Variants in OCRL observed in about 807,000 individuals in gnomAD.
OCRL encodes the protein OCRL inositol polyphosphate-5-phosphatase.
In OCRL, 8 loss-of-function variants were observed where a neutral mutation model predicts 78.9. The ratio of observed to expected loss-of-function variants is 0.10; its 90% confidence interval spans 0.06 to 0.18. OCRL has a LOEUF of 0.18. Among genes scored for constraint, OCRL ranks in the 10% least tolerant of loss-of-function variants. OCRL has a pLI of 1.00. For synonymous variants in OCRL, 240 were observed against 235.4 expected, an observed-to-expected ratio of 1.02 and a Z score of -0.18; for missense variants, 454 against 696.7, an observed-to-expected ratio of 0.65 and a Z score of 3.92.
chrX:129,581,612 C>T (rs1936439565), intron 18 of OCRL, among the ~76,000 whole-genome samples: 1 of 108,592 alleles, frequency 9.2e-6, no homozygotes, highest in Non-Finnish European at 1.9e-5. Context: ...ATTCTTCTTT[C>T]AGAATTTTCT....
At position 129,550,087 on chromosome X, in the gene OCRL, A is replaced by T. The variant is rs376280586; in HGVS notation, c.238+1486A>T. On this transcript the variant is annotated intron_variant, in intron 4 of 23. Coordinates refer to ENST00000371113, the MANE Select transcript of OCRL (RefSeq NM_000276.4). ...TGTTAGGCAGGCCTGATTTTAATGT[A>T]AATATGCATTTTCCCATTGTCTGGA... Among the ~76,000 whole-genome samples, 5 of 112,426 alleles carry T rather than the reference A, an allele frequency of 4.4e-5. No homozygotes were observed. The South Asian group carries it at 1.1e-3, about 25-fold the overall frequency.
At position 129,564,035 on chromosome X, in the gene OCRL, A is replaced by T. The variant is rs1386564938; in HGVS notation, c.1244+1249A>T. Among the ~76,000 whole-genome samples the T allele has an allele frequency of 2.7e-5, 3 of 109,831 alleles. No individual in the cohort carries two copies. In the East Asian group the frequency reaches 8.6e-4, roughly 31 times the overall value. ...ACTCAAACAAATTTACAAGAAAAAA[A>T]CAACCCCATCAAAAAGTGGGCAAAG... On this transcript the variant is annotated intron_variant, in intron 12 of 23. Transcript: ENST00000371113.
chrX:129,568,275 A>G (rs1368473292), intron 14 of OCRL, among the ~76,000 whole-genome samples: 2 of 111,336 alleles, frequency 1.8e-5, no homozygotes, highest in Non-Finnish European at 3.8e-5. Flanking sequence ...GTTCTTAGTG[A>G]GTATTTGTCC....
At position 129,577,802 on chromosome X, in the gene OCRL, C is replaced by T. The variant is rs746005360; in HGVS notation, c.2115+1250C>T. On this transcript the variant is annotated intron_variant, in intron 18 of 23. Transcript: ENST00000371113. ...TTTTCTTCAGAAATTCATATCCTACCGTTCTGCTGTTTTTCATGATAATTG... is the reference window on the plus strand; with the variant it reads ...TTTTCTTCAGAAATTCATATCCTACTGTTCTGCTGTTTTTCATGATAATTG... 5.6e-4 allele frequency among the ~76,000 whole-genome samples: 63 copies of T among 112,070 alleles called. 1 individual carries two copies. The highest frequency in any genetic ancestry group is 1.9e-4 in the Non-Finnish European group (10 of 53,208).
intron 3 of OCRL, among the ~76,000 whole-genome samples, chrX:129,548,171 T>C (rs1482000932): frequency 8.9e-6 from 1 of 112,035 alleles, no homozygotes; most frequent in Non-Finnish European, 1.9e-5. Flanking sequence ...GGTCACTTCC[T>C]TTGCCTTCTG....
intron 18 of OCRL, among the ~76,000 whole-genome samples, chrX:129,581,365 T>C (rs965363017): frequency 8.9e-6 from 1 of 112,015 alleles, no homozygotes; most frequent in African/African-American, 3.2e-5. Flanking sequence ...TATATAGCCT[T>C]TTGCAGAGAA....
chrX:129,547,162 G>A (rs1935890630), intron 3 of OCRL, among the ~76,000 whole-genome samples: 1 of 111,317 alleles, frequency 9.0e-6, no homozygotes, highest in Non-Finnish European at 1.9e-5. Flanking sequence ...CCAGCAGTTC[G>A]AGGCTGCAGT....
At chrX:129,573,962 G>A (rs774599763) in intron 15 of OCRL, among the ~76,000 whole-genome samples, 1 of 112,258 alleles carries the variant, frequency 8.9e-6, no homozygotes, top group Admixed American at 9.4e-5. Flanking sequence ...TTGGTTCCAT[G>A]TCTTTGCTAT....
chrX:129,542,956 A>G (rs1935830353), intron 2 of OCRL, among the ~76,000 whole-genome samples: 2 of 111,862 alleles, frequency 1.8e-5, no homozygotes, highest in African/African-American at 3.3e-5. Flanking sequence ...ACAATTAAAA[A>G]TCAGGGTTTT....
intron 22 of OCRL, 38 bp from the exon 23 acceptor site, chrX:129,589,807 C>G (rs1178877391): frequency 2.1e-6 from 2 of 958,559 alleles, no homozygotes; most frequent in South Asian, 3.9e-5. Context: ...CATCTTCCAC[C>G]TGTTTTTCTC....
At position 129,560,617 on chromosome X, in the gene OCRL, T is replaced by G; in HGVS notation, c.790T>G (p.Cys264Gly). 8.3e-7 allele frequency: 1 copy of G among 1,198,250 alleles called. No homozygotes were observed. Among genetic ancestry groups the G allele is most frequent in the Non-Finnish European group, 1.1e-6 (1 of 883,310 alleles). Residue 264 changes from cysteine to glycine, a missense_variant, in exon 9 of 24, where the codon TGT (cysteine) becomes GGT (glycine). This residue lies in a region of OCRL where 277 missense variants were observed against 517.1 expected (regional missense o/e 0.54). Coordinates refer to ENST00000371113, the MANE Select transcript of OCRL (RefSeq NM_000276.4). ...PDSGLEPWLN[C>G]DPNPPDIYCI... Reference sequence around the variant, plus strand: ...TAGCGGGTTAGAACCTTGGCTGAACTGTGATCCCAATCCTCCTGATATCTA... The same window carrying G: ...TAGCGGGTTAGAACCTTGGCTGAACGGTGATCCCAATCCTCCTGATATCTA...
intron 2 of OCRL, among the ~76,000 whole-genome samples, chrX:129,544,415 A>G (rs1935849908): frequency 9.0e-6 from 1 of 111,629 alleles, no homozygotes; most frequent in Non-Finnish European, 1.9e-5. Flanking sequence ...TGACCAATCC[A>G]GCTGGCTGAG....
chrX:129,561,355 C>A, intron 10 of OCRL, 62 bp downstream of exon 10: 1 of 675,768 alleles, frequency 1.5e-6, no homozygotes, highest in East Asian at 3.2e-5. Flanking sequence ...GGGAGTTATT[C>A]CATTATCTAC....
chrX:129,586,823 T>C (rs1314323205), intron 19 of OCRL, 179 bp from the exon 20 acceptor site: 2 of 554,536 alleles, frequency 3.6e-6, no homozygotes, highest in Admixed American at 2.2e-5. Flanking sequence ...ATCCTTTAAC[T>C]ATGGGACTCG....
At position 129,576,330 on chromosome X, in the gene OCRL, C is replaced by A. The variant is rs754567476; in HGVS notation, c.1893C>A (p.Asp631Glu). The A allele has an allele frequency of 1.1e-5, 13 of 1,204,575 alleles. No homozygotes were observed. The highest frequency in any genetic ancestry group is 1.2e-5 in the Non-Finnish European group (11 of 890,257). The change falls in exon 18 of 24, where the codon GAC (aspartate) becomes GAA (glutamate). Residue 631 changes from aspartate to glutamate, a missense_variant. Transcript: ENST00000371113. ...EGYLEPNETV[D>E]ISLDVYVSKD... ...CTTACATTTCAGATGAGACAGTGGA[C>A]ATTTCTCTTGATGTGTATGTCAGCA...
At chrX:129,581,725 CTGTGTG>C (rs35415909) in intron 18 of OCRL, among the ~76,000 whole-genome samples, 8 of 92,282 alleles carry the variant, frequency 8.7e-5, no homozygotes, top group African/African-American at 1.2e-4. Flanking sequence ...ATACACACAC[CTGTGTG>C]TGTGTGTGTG....
At chrX:129,572,954 C>T (rs909040326) in intron 15 of OCRL, among the ~76,000 whole-genome samples, 4 of 111,876 alleles carry the variant, frequency 3.6e-5, no homozygotes, top group Admixed American at 9.5e-5. Context: ...TCTCAACTAT[C>T]GGAACAAAAA....
rs756767419 is a variant in OCRL, at chrX:129,549,852, G to A, written c.238+1251G>A. On this transcript the variant is annotated intron_variant, in intron 4 of 23. Transcript: ENST00000371113. Reference sequence around the variant, plus strand: ...TTTCGGCATTAGTTTTGTTGTGGCCGCTTCTACATTAGCCATGTGTTGCTA... The same window carrying A: ...TTTCGGCATTAGTTTTGTTGTGGCCACTTCTACATTAGCCATGTGTTGCTA... 35 of 112,180 alleles carry A rather than the reference G, an allele frequency of 3.1e-4. 1 individual carries two copies. The highest frequency in any genetic ancestry group is 1.0e-3 in the African/African-American group (32 of 30,913). The allele number at this position is 112,180 out of a possible 1,213,427, so 9.2% of individuals were successfully genotyped here.
intron 4 of OCRL, among the ~76,000 whole-genome samples, chrX:129,551,900 AATTTACC>A (rs759886898): frequency 1.8e-5 from 2 of 111,555 alleles, no homozygotes; most frequent in African/African-American, 6.5e-5. Flanking sequence ...GAGAGAGAAG[AATTTACC>A]AGGTAAAGGG....
Sources: allele counts gnomAD v4.1 joint callset (sites outside exome capture counted in the v4.1 genomes callset), GRCh38; gene constraint gnomAD v4.1.1; regional missense constraint gnomAD v4.1.1; transcripts MANE v1.5; gene names NCBI Gene and HGNC (gene_info 2026-07-23, HGNC 2026-07-21).